The following KRT74 variants were observed in gnomAD, a reference collection of about 807,000 sequenced individuals.
The protein encoded by KRT74 is keratin, type II cytoskeletal 74.
A neutral mutation model predicts 42.7 loss-of-function variants in KRT74; 43 were observed. The ratio of observed to expected loss-of-function variants is 1.01; its 90% CI spans 0.79 to 1.30. The LOEUF is 1.30. Among genes scored for constraint, KRT74 ranks in the 50% most tolerant of loss-of-function variants. KRT74 has a pLI of 0.00. For missense variants in KRT74, 736 were observed against 689.1 expected, an observed-to-expected ratio of 1.07 and a Z score of -0.76; for synonymous variants, 302 against 279.0, an observed-to-expected ratio of 1.08 and a Z score of -0.82.
chr12:52,571,759 T>C (rs1335642666), intron 3 of KRT74, among the ~76,000 whole-genome samples, 185 bp downstream of exon 3: 1 of 152,138 alleles, frequency 6.6e-6, no homozygotes, highest in Non-Finnish European at 1.5e-5. Flanking sequence ...CTCTGTCCAT[T>C]TCCTGAGTGT....
At chr12:52,568,066 T>A in intron 7 of KRT74, 103 bp downstream of exon 7, 1 of 1,334,068 alleles carries the variant, frequency 7.5e-7, no homozygotes. Flanking sequence ...ACCACATCTC[T>A]TGCTTGTATT....
At chr12:52,570,935 A>G in intron 4 of KRT74, 102 bp from the exon 5 acceptor site, 1 of 1,313,468 alleles carries the variant, frequency 7.6e-7, no homozygotes, top group African/African-American at 1.5e-5. Flanking sequence ...GGCTGCTAGG[A>G]TCCACGGGGA....
rs1431515631 is a variant in KRT74, at chr12:52,565,933, A to T, written c.*1036T>A. 1 of 152,260 alleles carries T rather than the reference A, an allele frequency of 6.6e-6. No homozygotes were observed. The highest frequency in any genetic ancestry group is 1.5e-5 in the Non-Finnish European group (1 of 68,056). 9.4% of individuals were successfully genotyped at this position (152,260 alleles called of 1,614,324 possible). On this transcript the variant is annotated 3_prime_UTR_variant, in exon 9 of 9. Transcript: ENST00000305620. ...GGACTAGGCAGTAGCACTCAGCGAC[A>T]GAAAAGCCAGCTCCACTCACTGAGC...
chr12:52,570,053 A>G (rs1939450309), intron 5 of KRT74, 69 bp from the exon 6 acceptor site: 1 of 1,548,122 alleles, frequency 6.5e-7, no homozygotes, highest in Middle Eastern at 1.7e-4. Flanking sequence ...TAAATAAGCC[A>G]CCCCTGCCAC....
In KRT74 at chr12:52,567,165, A is replaced by G; in HGVS notation, c.1394T>C (p.Val465Ala). The change falls in exon 9 of 9, where the codon GTC becomes GCC. Residue 465 changes from valine to alanine, a missense_variant. By Grantham distance (64) the Val-to-Ala change is moderately conservative. Coordinates refer to ENST00000305620, the MANE Select transcript of KRT74 (RefSeq NM_175053.4). ...GTAGCTGTAGCTGCTACTGCTGATG[A>G]CAGCTGAGGAGGAGGGGCCAAGAGC... ...GENPSSVSIS[V>A]ISSSSYSYHH... 1 of 1,592,046 alleles carries G rather than the reference A, an allele frequency of 6.3e-7. No homozygotes were observed. Among genetic ancestry groups the G allele is most frequent in the East Asian group, 2.3e-5 (1 of 44,288 alleles).
At position 52,570,733 on chromosome 12, in the gene KRT74, C is replaced by T. The variant is rs200558741; in HGVS notation, c.944G>A (p.Arg315His). ...CAGGGCGATCTCCTCATAATGCATG[C>T]GGACCTCAGCGATGATGCTGTCAAG... Reference protein sequence around the residue: ...LDLDSIIAEVRMHYEEIALKS... With the variant: ...LDLDSIIAEVHMHYEEIALKS... Residue 315 changes from arginine (R) to histidine (H), a missense_variant, in exon 5 of 9, where the codon CGC becomes CAC. Coordinates refer to ENST00000305620, the MANE Select transcript of KRT74 (RefSeq NM_175053.4). 44 of 1,614,214 alleles carry T rather than the reference C, an allele frequency of 2.7e-5. No homozygotes were observed. In the East Asian group the frequency reaches 5.8e-4, roughly 21 times the overall value.
chr12:52,567,140 G>A lies in KRT74; in HGVS notation c.1419C>T (p.Tyr473=), dbSNP rs1939395812. The change falls in exon 9 of 9, where the codon TAC becomes TAT. Residue 473 remains tyrosine, a synonymous_variant. Transcript: ENST00000305620. The part of the protein sequence containing the change: ...ISVISSSSYS[Y]HHPSSAGVDL... Reference sequence around the variant, plus strand: ...CAACACCCGCAGAGCTGGGGTGGTGGTAGCTGTAGCTGCTACTGCTGATGA... The same window carrying A: ...CAACACCCGCAGAGCTGGGGTGGTGATAGCTGTAGCTGCTACTGCTGATGA... The A allele has an allele frequency of 6.2e-7, 1 of 1,604,312 alleles. No individual in the cohort carries two copies. Among genetic ancestry groups the A allele is most frequent in the Non-Finnish European group, 8.5e-7 (1 of 1,172,798 alleles).
intron 8 of KRT74, among the ~76,000 whole-genome samples, 177 bp downstream of exon 8, chr12:52,567,482 T>C (rs1223685376): frequency 2.0e-5 from 3 of 152,152 alleles, no homozygotes; most frequent in Admixed American, 6.5e-5. Context: ...AGGGTGGGCA[T>C]GACCTCAGTC....
rs1484865419 is a variant in KRT74, at chr12:52,565,839, T to C, written c.*1130A>G. ...ATATACAGCAGAAATTCAGAGTCTT[T>C]AATTCAAACAAAAGAGGAAATAGAT... On this transcript the variant is annotated 3_prime_UTR_variant, in exon 9 of 9. Transcript: ENST00000305620. 6.6e-6 allele frequency: 1 copy of C among 152,242 alleles called. No homozygotes were observed. The highest frequency in any genetic ancestry group is 1.9e-4 in the East Asian group (1 of 5,200). The allele number at this position is 152,242 out of a possible 1,614,324, so 9.4% of individuals were successfully genotyped here. A position where few individuals can be genotyped will look rare whatever the true frequency, so the allele number is the denominator to read the frequency against.
chr12:52,569,813 G>A, intron 6 of KRT74, 46 bp downstream of exon 6: 3 of 1,613,302 alleles, frequency 1.9e-6, no homozygotes, highest in Non-Finnish European at 2.5e-6. Context: ...CCTCATCCCA[G>A]AGCCTGCTGT....
intron 6 of KRT74, 153 bp from the exon 7 acceptor site, chr12:52,568,542 T>C: frequency 1.3e-6 from 1 of 782,904 alleles, no homozygotes; most frequent in Non-Finnish European, 2.1e-6. Flanking sequence ...TCTCTTCTAT[T>C]TTCTATTGCA....
At chr12:52,572,142 A>G (rs1442583018) in intron 2 of KRT74, 138 bp from the exon 3 acceptor site, 2 of 768,284 alleles carry the variant, frequency 2.6e-6, no homozygotes, top group Non-Finnish European at 4.7e-6. Flanking sequence ...GACAGGAGTA[A>G]GATATCCCTG....
At position 52,569,030 on chromosome 12, in the gene KRT74, G is replaced by A. The variant is rs180968917; in HGVS notation, c.1135-641C>T. Among the ~76,000 whole-genome samples the A allele has an allele frequency of 1.6e-4, 25 of 152,240 alleles. No individual in the cohort carries two copies. In the East Asian group the frequency reaches 2.1e-3, roughly 13 times the overall value. ...ACTATGCTCATGGAATTTGTGAATC[G>A]GCCAAATGTAGAGTCGTAGAGTTGT... On this transcript the variant is annotated intron_variant, in intron 6 of 8. Transcript: ENST00000305620.
At chr12:52,569,606 C>T (rs1028553757) in intron 6 of KRT74, 1 of 602,790 alleles carries the variant, frequency 1.7e-6, no homozygotes, top group African/African-American at 1.9e-5. Flanking sequence ...AGTCCCTTCC[C>T]CTTCCCAGCC....
In KRT74 at chr12:52,573,547, A is replaced by G. The variant is rs1939528236; in HGVS notation, c.231T>C (p.Pro77=). The G allele has an allele frequency of 1.2e-6, 2 of 1,614,114 alleles. No homozygotes were observed. The highest frequency in any genetic ancestry group is 2.7e-5 in the African/African-American group (2 of 75,052). ...CCCGGCCCCCTCCATACCCAGAGCC[A>G]GGCCTGAAGCCGTAACCTCCAGCCC... The part of the protein sequence containing the change: ...GVRAGGYGFR[P]GSGYGGGRAS... Residue 77 remains proline, a synonymous_variant, in exon 1 of 9, where the codon CCT becomes CCC. Coordinates refer to ENST00000305620, the MANE Select transcript of KRT74 (RefSeq NM_175053.4).
rs780145437 is a variant in KRT74 at position 52,570,665 on chromosome 12, C to T, written c.1008+4G>A. ...CTGTGGGAGGAGACCCATTCGGTGA[C>T]CACCTTGGTCTGGTACAGGGCCTCG... On this transcript the variant is annotated splice_donor_region_variant and intron_variant, in intron 5 of 8. Transcript: ENST00000305620. 1.2e-6 allele frequency: 2 copies of T among 1,614,230 alleles called. No homozygotes were observed. The highest frequency in any genetic ancestry group is 4.5e-5 in the East Asian group (2 of 44,882).
In KRT74 at chr12:52,568,477, G is replaced by A. The variant is rs945808200; in HGVS notation, c.1135-88C>T. The A allele has an allele frequency of 2.9e-6, 4 of 1,396,688 alleles. No homozygotes were observed. The Admixed American group carries it at 5.9e-5, about 20-fold the overall frequency. 86.5% of individuals were successfully genotyped at this position (1,396,688 alleles called of 1,614,324 possible). On this transcript the variant is annotated intron_variant, in intron 6 of 8. Coordinates refer to ENST00000305620, the MANE Select transcript of KRT74 (RefSeq NM_175053.4). ...AGTAGAACAATGCCCTCATTTTGCA[G>A]ATGGGGCCCTAGGTGACAAGGAGTA...
rs1177435720 is a variant in KRT74 at position 52,568,320 on chromosome 12, C to A, written c.1204G>T (p.Ala402Ser). Residue 402 changes from alanine (A) to serine (S), a missense_variant, in exon 7 of 9, where the codon GCC becomes TCC. Physicochemically the swap from Ala to Ser is moderately conservative, Grantham distance 99 (BLOSUM62 1). Coordinates refer to ENST00000305620, the MANE Select transcript of KRT74 (RefSeq NM_175053.4). The part of the protein sequence containing the change: ...RGDNALKDAQ[A>S]KLDELEGALH... ...GCGCCCTCCAGCTCATCCAGCTTGG[C>A]CTGGGCATCCTTCAGGGCATTGTCT... 1.2e-6 allele frequency: 2 copies of A among 1,614,150 alleles called. No homozygotes were observed. Among genetic ancestry groups the A allele is most frequent in the African/African-American group, 2.7e-5 (2 of 74,952 alleles).
chr12:52,569,425 C>T, intron 6 of KRT74: 1 of 590,954 alleles, frequency 1.7e-6, no homozygotes, highest in Non-Finnish European at 3.0e-6. Flanking sequence ...ATACCCTCTG[C>T]ACCCCACACA....
Sources: gnomAD v4.1 joint callset for allele counts (sites outside exome capture counted in the v4.1 genomes callset) on GRCh38, gnomAD v4.1.1 for gene constraint, MANE v1.5 for transcripts, NCBI Gene and HGNC (gene_info 2026-07-23, HGNC 2026-07-21) for gene names.